EPHA3: variants seen among roughly 807,000 people sequenced by gnomAD.
EPHA3 encodes the protein ephrin type-A receptor 3.
In EPHA3, 42 loss-of-function variants were observed where a neutral mutation model predicts 107.1. The ratio of observed to expected loss-of-function variants is 0.39; its 90% CI spans 0.31 to 0.51. The LOEUF (loss-of-function observed/expected upper bound fraction) is 0.51, where lower values mean the gene tolerates loss of function less well. EPHA3 is among the 20% of genes least tolerant of loss of function. EPHA3 has a pLI of 0.78. For missense variants in EPHA3, 1,183 were observed against 1,211.2 expected, an observed-to-expected ratio of 0.98 and a Z score of 0.35; for synonymous variants, 461 against 424.8, an observed-to-expected ratio of 1.09 and a Z score of -1.05.
intron 3 of EPHA3, among the ~76,000 whole-genome samples, chr3:89,246,717 A>G (rs1346542353): frequency 2.0e-5 from 3 of 152,362 alleles, no homozygotes; most frequent in Non-Finnish European, 4.4e-5. Context: ...AAATATGTAT[A>G]ATAGCTAAGG....
rs1054502219 is a variant in EPHA3 at position 89,407,196 on chromosome 3, C to T, written c.1595-73C>T. ...AACACATATTAATTAATTAATGAAT[C>T]AATCAACTGTTCCATGTAGATGTTA... On this transcript the variant is annotated intron_variant, in intron 7 of 16. Coordinates refer to ENST00000336596, the MANE Select transcript of EPHA3 (RefSeq NM_005233.6). 7 of 1,016,812 alleles carry T rather than the reference C, an allele frequency of 6.9e-6. No individual in the cohort carries two copies. The Admixed American group carries it at 1.3e-4, about 19-fold the overall frequency. The allele number at this position is 1,016,812 out of a possible 1,614,324, so 63.0% of individuals were successfully genotyped here.
intron 3 of EPHA3, among the ~76,000 whole-genome samples, chr3:89,306,043 G>GTCA (rs912887946): frequency 5.9e-5 from 9 of 151,886 alleles, no homozygotes; most frequent in Admixed American, 5.9e-4. Flanking sequence ...CGTCATTGTC[G>GTCA]TCATCATCAT....
chr3:89,409,123 G>A (rs1026924497), intron 9 of EPHA3, among the ~76,000 whole-genome samples: 1 of 152,018 alleles, frequency 6.6e-6, no homozygotes, highest in South Asian at 2.1e-4. Context: ...AAGCAGTATA[G>A]GAGTTTGAAG....
intron 3 of EPHA3, among the ~76,000 whole-genome samples, chr3:89,240,871 C>G (rs1340225997): frequency 6.6e-6 from 1 of 151,862 alleles, no homozygotes; most frequent in African/African-American, 2.4e-5. Flanking sequence ...ATAGAGTAAA[C>G]TCTGAGAAAC....
intron 13 of EPHA3, among the ~76,000 whole-genome samples, chr3:89,436,027 A>C (rs891552307): frequency 6.6e-6 from 1 of 151,834 alleles, no homozygotes; most frequent in Non-Finnish European, 1.5e-5. Context: ...TGTGGTCCCA[A>C]CTACTCAGGA....
At chr3:89,401,670 T>C (rs144311780) in intron 7 of EPHA3, among the ~76,000 whole-genome samples, 1 of 152,142 alleles carries the variant, frequency 6.6e-6, no homozygotes, top group Admixed American at 6.5e-5. Flanking sequence ...TGCAATGGCA[T>C]GATCTCAGCT....
intron 11 of EPHA3, among the ~76,000 whole-genome samples, chr3:89,427,334 A>G (rs1709477548): frequency 6.6e-6 from 1 of 151,938 alleles, no homozygotes; most frequent in Non-Finnish European, 1.5e-5. Flanking sequence ...TGTACAAATC[A>G]AAGAGTTTTT....
At chr3:89,178,366 G>C (rs561103793) in intron 2 of EPHA3, among the ~76,000 whole-genome samples, 5 of 151,982 alleles carry the variant, frequency 3.3e-5, no homozygotes, top group African/African-American at 4.8e-5. Context: ...TGGAACTAAG[G>C]TATAAAGAAA....
intron 13 of EPHA3, among the ~76,000 whole-genome samples, chr3:89,438,657 T>A (rs1709721691): frequency 6.6e-6 from 1 of 152,154 alleles, no homozygotes; most frequent in Non-Finnish European, 1.5e-5. Flanking sequence ...TATACCTAAA[T>A]GAAAAAGGTA....
chr3:89,453,039 C>T (rs1232695051), intron 15 of EPHA3, among the ~76,000 whole-genome samples: 1 of 151,892 alleles, frequency 6.6e-6, no homozygotes, highest in Non-Finnish European at 1.5e-5. Flanking sequence ...TAACTTATTC[C>T]ATAAGGATAA....
intron 5 of EPHA3, among the ~76,000 whole-genome samples, chr3:89,354,550 C>G (rs547974844): frequency 5.3e-5 from 8 of 151,058 alleles, no homozygotes; most frequent in African/African-American, 1.9e-4. Flanking sequence ...ATCCAAATTA[C>G]AAAGACTATG....
chr3:89,208,743 C>A (rs1290615337), intron 2 of EPHA3, among the ~76,000 whole-genome samples: 1 of 152,124 alleles, frequency 6.6e-6, no homozygotes, highest in Non-Finnish European at 1.5e-5. Context: ...TATTACTTAT[C>A]TCGATTCAAA....
chr3:89,309,750 G>A (rs1318904908), intron 3 of EPHA3, among the ~76,000 whole-genome samples: 5 of 151,768 alleles, frequency 3.3e-5, no homozygotes, highest in Admixed American at 1.3e-4. Flanking sequence ...GTAATATGTC[G>A]AATTTCTAAA....
intron 5 of EPHA3, among the ~76,000 whole-genome samples, chr3:89,386,409 C>T (rs1708624136): frequency 6.6e-6 from 1 of 152,198 alleles, no homozygotes; most frequent in Non-Finnish European, 1.5e-5. Flanking sequence ...CAAGGTATAG[C>T]TTGGGCCATG....
intron 13 of EPHA3, among the ~76,000 whole-genome samples, chr3:89,432,937 A>G (rs1304556450): frequency 1.3e-5 from 2 of 152,146 alleles, no homozygotes; most frequent in Non-Finnish European, 2.9e-5. Context: ...ACAATATTCA[A>G]TAATGTCTAA....
chr3:89,278,099 C>A (rs1333436553), intron 3 of EPHA3, among the ~76,000 whole-genome samples: 1 of 152,174 alleles, frequency 6.6e-6, no homozygotes, highest in South Asian at 2.1e-4. Context: ...AATTCCCCAG[C>A]AGTCCTTTAA....
At chr3:89,179,574 A>G (rs1457241391) in intron 2 of EPHA3, among the ~76,000 whole-genome samples, 1 of 151,806 alleles carries the variant, frequency 6.6e-6, no homozygotes. Flanking sequence ...GTTGGGGCAG[A>G]GCAGGGAACT....
rs142626082 is a variant in EPHA3 at position 89,236,368 on chromosome 3, T to A, written c.814+25848T>A. On this transcript the variant is annotated intron_variant, in intron 3 of 16. Transcript: ENST00000336596. ...AATAAAAGGTGGTATGTTAATACAA[T>A]GAATTACTACACTACAATCAAGATT... is the stretch of plus-strand genomic sequence containing the variant. 5.2e-3 allele frequency among the ~76,000 whole-genome samples: 785 copies of A among 151,978 alleles called. 6 individuals are homozygous for A. The highest frequency in any genetic ancestry group is 0.018 in the African/African-American group (739 of 41,410).
At chr3:89,193,041 C>T (rs1425350163) in intron 2 of EPHA3, among the ~76,000 whole-genome samples, 1 of 151,858 alleles carries the variant, frequency 6.6e-6, no homozygotes, top group African/African-American at 2.4e-5. Context: ...ATCTTTTGTA[C>T]AAAGTTGGAA....
Sources: gnomAD v4.1 joint callset for allele counts (sites outside exome capture counted in the v4.1 genomes callset) on GRCh38, gnomAD v4.1.1 for gene constraint, MANE v1.5 for transcripts, NCBI Gene and HGNC (gene_info 2026-07-23, HGNC 2026-07-21) for gene names.